MMP26: variants seen among roughly 807,000 people sequenced by gnomAD.
MMP26 encodes matrix metalloproteinase-26.
Under a neutral mutation model 31.0 loss-of-function variants are expected in MMP26, and 33 were observed. That is an observed-to-expected ratio of 1.06 (90% CI 0.81 to 1.42). The LOEUF is 1.42. MMP26 is among the 40% of genes most tolerant of loss of function. MMP26 has a pLI of 0.00. For missense variants in MMP26, 347 were observed against 316.1 expected (o/e 1.10, Z -0.74); for synonymous variants, 122 against 114.9 (o/e 1.06, Z -0.40).
chr11:4,884,798 A>G (rs564812892), intron 2 of MMP26, among the ~76,000 whole-genome samples: 4 of 152,248 alleles, frequency 2.6e-5, no homozygotes, highest in African/African-American at 9.6e-5. Flanking sequence ...GTCATAATTT[A>G]TTGGCTAAAA....
chr11:4,769,855 G>C, intron 2 of MMP26: 3 of 1,612,974 alleles, frequency 1.9e-6, no homozygotes, highest in Non-Finnish European at 2.5e-6. Flanking sequence ...CAGACTCTAG[G>C]CCAGGAATGC....
chr11:4,710,981 A>G (rs1203113654), intron 1 of MMP26: 1 of 152,776 alleles, frequency 6.5e-6, no homozygotes, highest in African/African-American at 2.4e-5. Context: ...AAGAAGTATT[A>G]ATAAAAGGAC....
At chr11:4,840,617 G>T (rs1849780809) in intron 2 of MMP26, among the ~76,000 whole-genome samples, 1 of 152,198 alleles carries the variant, frequency 6.6e-6, no homozygotes, top group Non-Finnish European at 1.5e-5. Context: ...CAGCATTACT[G>T]GGCTTGGGGT....
At chr11:4,798,545 T>C (rs190342643) in intron 2 of MMP26, among the ~76,000 whole-genome samples, 120 of 152,362 alleles carry the variant, frequency 7.9e-4, no homozygotes, top group African/African-American at 2.8e-3. Flanking sequence ...CTGCTTTGCA[T>C]GTACTTATTG....
chr11:4,780,047 A>G (rs1235516950), intron 2 of MMP26, among the ~76,000 whole-genome samples: 1 of 152,152 alleles, frequency 6.6e-6, no homozygotes, highest in African/African-American at 2.4e-5. Context: ...TCATCATTGC[A>G]TAGAATTCCA....
chr11:4,831,232 G>A (rs7951380), intron 2 of MMP26, among the ~76,000 whole-genome samples: 13,270 of 152,082 alleles, frequency 0.087, 966 homozygotes, highest in African/African-American at 0.19. Flanking sequence ...ATGATCACAC[G>A]TGGCCATCCT....
At chr11:4,947,706 T>A (rs11034839) in intron 2 of MMP26, 23,102 of 124,490 alleles carry the variant, frequency 0.19, 7,574 homozygotes, top group South Asian at 0.47. Context: ...ATTACTGAGT[T>A]CTCTGGGGAT....
chr11:4,902,995 T>G (rs1850826126), intron 2 of MMP26, among the ~76,000 whole-genome samples: 1 of 152,124 alleles, frequency 6.6e-6, no homozygotes, highest in African/African-American at 2.4e-5. Flanking sequence ...ACCAAAGTTT[T>G]TCTTTTTAAC....
chr11:4,990,082 C>G (rs1366942343), intron 4 of MMP26, among the ~76,000 whole-genome samples: 1 of 152,196 alleles, frequency 6.6e-6, no homozygotes, highest in Non-Finnish European at 1.5e-5. Context: ...AACCACTATC[C>G]TTTCCCTTTG....
intron 2 of MMP26, chr11:4,875,944 C>G (rs997140835): frequency 2.6e-5 from 4 of 152,096 alleles, no homozygotes; most frequent in Non-Finnish European, 5.9e-5. Context: ...TACAGAAGGT[C>G]AGAGCTTTAA....
chr11:4,737,168 A>C (rs1848252110), intron 1 of MMP26: 1 of 152,248 alleles, frequency 6.6e-6, no homozygotes, highest in Non-Finnish European at 1.5e-5. Flanking sequence ...AAAACCATTC[A>C]TCAGTTTTGT....
chr11:4,743,326 A>C (rs1439299441), intron 1 of MMP26, among the ~76,000 whole-genome samples: 2 of 152,172 alleles, frequency 1.3e-5, no homozygotes, highest in African/African-American at 4.8e-5. Flanking sequence ...GTCAATATTC[A>C]GGAGAATTGA....
In MMP26 at chr11:4,750,753, A is replaced by C. The variant is rs1449183476; in HGVS notation, c.-216-16517A>C. Among the ~76,000 whole-genome samples the C allele has an allele frequency of 5.3e-5, 8 of 152,090 alleles. 1 individual carries two copies. In the East Asian group the frequency reaches 1.5e-3, roughly 29 times the overall value. On this transcript the variant is annotated intron_variant, in intron 1 of 7. Coordinates refer to ENST00000380390, the MANE Select transcript of MMP26 (RefSeq NM_021801.5). ...ATGGCCGTTTAGAGTGAAATAATAG[A>C]CATTGGTAACTGGGAAGGGTAGGAG...
In MMP26 at chr11:4,929,281, C is replaced by A. The variant is rs987202102; in HGVS notation, c.-144-58787C>A. On this transcript the variant is annotated intron_variant, in intron 2 of 7. Transcript: ENST00000380390. ...TTTGAGAACGTTATTTTATAATAAA[C>A]CCATTAGCTGCAAAGAGCTTGGCAA... Among the ~76,000 whole-genome samples the A allele has an allele frequency of 8.6e-5, 13 of 151,938 alleles. No homozygotes were observed. The South Asian group carries it at 2.5e-3, about 29-fold the overall frequency.
intron 2 of MMP26, among the ~76,000 whole-genome samples, chr11:4,845,658 A>ATATT (rs1280563857): frequency 1.3e-5 from 2 of 152,182 alleles, no homozygotes; most frequent in Non-Finnish European, 2.9e-5. Flanking sequence ...TGAAGAGACA[A>ATATT]CCCACAGAAT....
At chr11:4,928,018 C>A (rs1465666754) in intron 2 of MMP26, among the ~76,000 whole-genome samples, 1 of 151,342 alleles carries the variant, frequency 6.6e-6, no homozygotes, top group Non-Finnish European at 1.5e-5. Context: ...CCTAGCCAGG[C>A]CTGAAGACCA....
chr11:4,771,112 G>A (rs542972147), intron 2 of MMP26, among the ~76,000 whole-genome samples: 21 of 152,288 alleles, frequency 1.4e-4, no homozygotes, highest in African/African-American at 4.8e-4. Flanking sequence ...AGGGGTATCA[G>A]GTAGATGGAG....
rs143406644 is a variant in MMP26 at position 4,915,492 on chromosome 11, G to A, written c.-144-72576G>A. ...AGATACATAGGTTCATGAAGTGAGC[G>A]CTCTGTTTTAATGATAAAAAGAATT... On this transcript the variant is annotated intron_variant, in intron 2 of 7. Transcript: ENST00000380390. 61 of 1,614,004 alleles carry A rather than the reference G, an allele frequency of 3.8e-5. 1 individual carries two copies. Among genetic ancestry groups the A allele is most frequent in the African/African-American group, 9.3e-5 (7 of 74,918 alleles).
intron 2 of MMP26, chr11:4,946,527 A>G: frequency 6.2e-7 from 1 of 1,605,646 alleles, no homozygotes; most frequent in Admixed American, 1.7e-5. Context: ...CTGTTGTCAG[A>G]ACAGGCCAAC....
Sources: gnomAD v4.1 joint callset for allele counts (sites outside exome capture counted in the v4.1 genomes callset) on GRCh38, gnomAD v4.1.1 for gene constraint, MANE v1.5 for transcripts, NCBI Gene and HGNC (gene_info 2026-07-23, HGNC 2026-07-21) for gene names.